ACTN1: variants seen among roughly 807,000 people sequenced by gnomAD.
ACTN1 encodes alpha-actinin-1.
Under a neutral mutation model 119.6 loss-of-function variants are expected in ACTN1, and 30 were observed. The observed-to-expected ratio is 0.25, with a 90% CI of 0.19 to 0.34. The LOEUF (loss-of-function observed/expected upper bound fraction) is 0.34, where lower values mean the gene tolerates loss of function less well. ACTN1 is among the 10% of genes least tolerant of loss of function. The pLI is 1.00. For missense variants in ACTN1, 764 were observed against 1,223.4 expected, an observed-to-expected ratio of 0.62 and a Z score of 5.60; for synonymous variants, 429 against 472.6, an observed-to-expected ratio of 0.91 and a Z score of 1.20.
intron 6 of ACTN1, among the ~76,000 whole-genome samples, chr14:68,908,958 T>C (rs1854570104): frequency 6.6e-6 from 1 of 152,198 alleles, no homozygotes; most frequent in Non-Finnish European, 1.5e-5. Flanking sequence ...TCCCTTAGAA[T>C]ATGCACTGTT....
chr14:68,928,961 G>C (rs899410186), intron 1 of ACTN1, among the ~76,000 whole-genome samples: 35 of 151,572 alleles, frequency 2.3e-4, no homozygotes, highest in Admixed American at 1.3e-4. Context: ...TGGGAGAGGG[G>C]TGGAACTGTG....
chr14:68,978,504 G>A (rs942765663), intron 1 of ACTN1: 5 of 309,886 alleles, frequency 1.6e-5, no homozygotes, highest in Non-Finnish European at 3.1e-5. Context: ...ACCCAGGGCG[G>A]CCCAGGAAGC....
Position 68,909,234 on chromosome 14 carries a change from TGTCACAACAAGG to T in ACTN1, c.594+72_594+83del. On this transcript the variant is annotated intron_variant, in intron 6 of 21. Coordinates refer to ENST00000394419, the MANE Select transcript of ACTN1 (RefSeq NM_001130004.2). The surrounding 1 kb of genome is among the most constrained non-coding windows in gnomAD (Gnocchi z 4.1). ...ACACTGCTCAGGCTGGACCATGGACTGTCACAACAAGGGTCCTAGTCCTGCTCTTTTCCCACC... is the reference window on the plus strand; with the variant it reads ...ACACTGCTCAGGCTGGACCATGGACTGTCCTAGTCCTGCTCTTTTCCCACC... The T allele has an allele frequency of 7.4e-7, 1 of 1,344,226 alleles. No homozygotes were observed. Among genetic ancestry groups the T allele is most frequent in the Non-Finnish European group, 1.1e-6 (1 of 940,906 alleles). 83.3% of individuals were successfully genotyped at this position (1,344,226 alleles called of 1,614,324 possible).
In ACTN1 at chr14:68,904,700, C is replaced by T. The variant is rs770793826; in HGVS notation, c.631G>A (p.Val211Met). 9.9e-6 allele frequency: 16 copies of T among 1,613,902 alleles called. No homozygotes were observed. In the Admixed American group the frequency reaches 1.3e-4, roughly 13 times the overall value. The stretch of plus-strand genomic sequence containing the variant: ...GGGATGTCCAGGTACTTCTCTGCCA[C>T]GTCAAAAGCCGTATTCAGATTTGTG... Reference protein sequence around the residue: ...PLTNLNTAFDVAEKYLDIPKM... With the variant: ...PLTNLNTAFDMAEKYLDIPKM... Residue 211 changes from valine (V) to methionine (M), a missense_variant, in exon 7 of 22, where the codon GTG (valine) becomes ATG (methionine). By Grantham distance (21) the Val-to-Met change is conservative. This residue lies in a region of ACTN1 where 544 missense variants were observed against 912.0 expected (regional missense o/e 0.60). Transcript: ENST00000394419.
intron 1 of ACTN1, among the ~76,000 whole-genome samples, chr14:68,965,279 A>G (rs2036669431): frequency 1.3e-5 from 2 of 152,154 alleles, no homozygotes; most frequent in African/African-American, 4.8e-5. Flanking sequence ...CATTCTATTG[A>G]TTTCTTCAAA....
chr14:68,926,440 A>C (rs1594825716), intron 1 of ACTN1, among the ~76,000 whole-genome samples: 1 of 152,246 alleles, frequency 6.6e-6, no homozygotes, highest in Non-Finnish European at 1.5e-5. Flanking sequence ...GTGTCTCAAC[A>C]AACATGAGAA....
In ACTN1 at chr14:68,882,485, G is replaced by A. The variant is rs200843690; in HGVS notation, c.1926C>T (p.Ile642=). 75 of 1,614,184 alleles carry A rather than the reference G, an allele frequency of 4.6e-5. No individual in the cohort carries two copies. The Admixed American group carries it at 1.1e-3, about 23-fold the overall frequency. Reference sequence around the variant, plus strand: ...CCATCTTGGTCTGGATCCAGGGCCCGATGACATTGGCCTGGGCTCCAAACT... The same window carrying A: ...CCATCTTGGTCTGGATCCAGGGCCCAATGACATTGGCCTGGGCTCCAAACT... The part of the protein sequence containing the change: ...RKQFGAQANV[I]GPWIQTKMEE... The change falls in exon 16 of 22, where the codon ATC becomes ATT. Residue 642 remains isoleucine (I), a synonymous_variant. Transcript: ENST00000394419. The surrounding 1 kb of genome is among the most constrained non-coding windows in gnomAD (Gnocchi z 4.5).
chr14:68,929,173 AGAG>A (rs1294163407), intron 1 of ACTN1, among the ~76,000 whole-genome samples: 1 of 152,092 alleles, frequency 6.6e-6, no homozygotes, highest in African/African-American at 2.4e-5. Flanking sequence ...GCACCTCCGC[AGAG>A]GAGGTCTGAC....
At chr14:68,910,542 A>C (rs2033943531) in intron 4 of ACTN1, among the ~76,000 whole-genome samples, 1 of 152,184 alleles carries the variant, frequency 6.6e-6, no homozygotes, top group Non-Finnish European at 1.5e-5. Flanking sequence ...TACTGCACGG[A>C]TCAATACTGC....
intron 21 of ACTN1, among the ~76,000 whole-genome samples, chr14:68,875,590 C>T (rs1453515318): frequency 6.6e-6 from 1 of 152,244 alleles, no homozygotes; most frequent in African/African-American, 2.4e-5. Flanking sequence ...CCCAGGTTTG[C>T]TCATGATAGG....
In ACTN1 at chr14:68,882,285, G is replaced by A. The variant is rs1279518148; in HGVS notation, c.1953+173C>T. 1.3e-5 allele frequency among the ~76,000 whole-genome samples: 2 copies of A among 152,148 alleles called. No individual in the cohort carries two copies. The highest frequency in any genetic ancestry group is 6.5e-5 in the Admixed American group (1 of 15,280). ...GCTCCCAAATCAGATACTGCCAGCA[G>A]GGCTTCTTCACATAGGCCCCCATAG... On this transcript the variant is annotated intron_variant, in intron 16 of 21. Transcript: ENST00000394419. This position sits in a 1 kb window ranked among gnomAD's most constrained non-coding sequence, Gnocchi z 4.5.
At chr14:68,942,084 G>A (rs969639431) in intron 1 of ACTN1, among the ~76,000 whole-genome samples, 8 of 152,220 alleles carry the variant, frequency 5.3e-5, no homozygotes, top group Non-Finnish European at 1.0e-4. Flanking sequence ...TTCAGCAACT[G>A]TGGAAGCATC....
chr14:68,878,603 C>T lies in ACTN1; in HGVS notation c.2362-80G>A. 1 of 1,596,142 alleles carries T rather than the reference C, an allele frequency of 6.3e-7. No homozygotes were observed. The highest frequency in any genetic ancestry group is 8.5e-7 in the Non-Finnish European group (1 of 1,171,278). ...AAGGGCCGGCCCGGGGCCAGGAAGA[C>T]AGGAACAGATGGCCAGAACGGGGAT... On this transcript the variant is annotated intron_variant, in intron 19 of 21. Coordinates refer to ENST00000394419, the MANE Select transcript of ACTN1 (RefSeq NM_001130004.2). The surrounding 1 kb of genome is among the most constrained non-coding windows in gnomAD (Gnocchi z 4.4).
Position 68,882,388 on chromosome 14 carries a change from C to G in ACTN1, c.1953+70G>C. The G allele has an allele frequency of 6.5e-7, 1 of 1,533,626 alleles. No individual in the cohort carries two copies. The highest frequency in any genetic ancestry group is 8.8e-7 in the Non-Finnish European group (1 of 1,132,640). ...GGTCCCACCCAGGGAGACAGGCAGC[C>G]TGGCTGGCTAGGATAGTGTCGGGGG... On this transcript the variant is annotated intron_variant, in intron 16 of 21. Transcript: ENST00000394419. The surrounding 1 kb of genome is among the most constrained non-coding windows in gnomAD (Gnocchi z 4.5).
intron 3 of ACTN1, among the ~76,000 whole-genome samples, chr14:68,916,958 A>G (rs1215245678): frequency 6.6e-6 from 1 of 151,928 alleles, no homozygotes; most frequent in Non-Finnish European, 1.5e-5. Flanking sequence ...TCCCAGACCA[A>G]TGCTGTGGTA....
intron 1 of ACTN1, among the ~76,000 whole-genome samples, chr14:68,976,815 A>G (rs2037077841): frequency 6.6e-6 from 1 of 152,196 alleles, no homozygotes; most frequent in Non-Finnish European, 1.5e-5. Context: ...GGCACATATC[A>G]GCAAATGCCA....
intron 8 of ACTN1, among the ~76,000 whole-genome samples, chr14:68,895,456 C>T (rs372423720): frequency 1.3e-5 from 2 of 152,268 alleles, no homozygotes; most frequent in African/African-American, 2.4e-5. Flanking sequence ...CCATGGGAAC[C>T]AGGCCAGCAG....
In ACTN1 at chr14:68,904,585, C is replaced by T. The variant is rs1594789765; in HGVS notation, c.676+70G>A. 2.1e-6 allele frequency: 3 copies of T among 1,449,404 alleles called. No homozygotes were observed. The East Asian group carries it at 6.8e-5, about 33-fold the overall frequency. The allele number at this position is 1,449,404 out of a possible 1,614,324, so 89.8% of individuals were successfully genotyped here. On this transcript the variant is annotated intron_variant, in intron 7 of 21. Coordinates refer to ENST00000394419, the MANE Select transcript of ACTN1 (RefSeq NM_001130004.2). ...CCGTCCAGCCCCGGACTGCTGGGGT[C>T]CACCCCTTCTTAGCCGCTGAGTGGC... is the stretch of plus-strand genomic sequence containing the variant.
At chr14:68,966,865 A>C (rs2036723746) in intron 1 of ACTN1, among the ~76,000 whole-genome samples, 1 of 152,248 alleles carries the variant, frequency 6.6e-6, no homozygotes, top group Non-Finnish European at 1.5e-5. Context: ...TTTCTGAAGC[A>C]GGGCTCAGCC....
Sources: allele counts gnomAD v4.1 joint callset (sites outside exome capture counted in the v4.1 genomes callset), GRCh38; gene constraint gnomAD v4.1.1; regional missense constraint gnomAD v4.1.1; non-coding constraint Gnocchi (gnomAD v3.1); transcripts MANE v1.5; gene names NCBI Gene and HGNC (gene_info 2026-07-23, HGNC 2026-07-21).